MAP3K6: variants seen among roughly 807,000 people sequenced by gnomAD.
MAP3K6 encodes the protein mitogen-activated protein kinase kinase kinase 6.
A neutral mutation model predicts 147.1 loss-of-function variants in MAP3K6; 105 were observed. The ratio of observed to expected loss-of-function variants is 0.71; its 90% CI spans 0.61 to 0.84. The LOEUF is 0.84. MAP3K6 is among the 40% of genes least tolerant of loss of function. The pLI is 0.00. For synonymous variants in MAP3K6, 695 were observed against 732.4 expected (o/e 0.95, Z 0.82); for missense variants, 1,569 against 1,715.0 (o/e 0.91, Z 1.50).
At position 27,358,659 on chromosome 1, in the gene MAP3K6, C is replaced by G; in HGVS notation, c.2584-48G>C. The G allele has an allele frequency of 6.2e-7, 1 of 1,613,554 alleles. No homozygotes were observed. The highest frequency in any genetic ancestry group is 8.5e-7 in the Non-Finnish European group (1 of 1,179,906). ...GGTGACATTCAGAGGTGTCCAAGGC[C>G]CAGGCTGGCCCTATGCCACTTCCAT... On this transcript the variant is annotated intron_variant, in intron 19 of 28. Transcript: ENST00000357582. The surrounding 1 kb of genome is among the most constrained non-coding windows in gnomAD (Gnocchi z 6.2).
intron 26 of MAP3K6, 86 bp from the exon 27 acceptor site, chr1:27,356,185 G>T (rs893663995): frequency 7.5e-7 from 1 of 1,332,480 alleles, no homozygotes; most frequent in Non-Finnish European, 1.1e-6. Flanking sequence ...CTCCAGCCAA[G>T]GCCCACTCAG....
intron 9 of MAP3K6, 25 bp downstream of exon 9, chr1:27,362,066 C>G (rs950238113): frequency 1.3e-6 from 2 of 1,595,774 alleles, no homozygotes; most frequent in African/African-American, 2.7e-5. Flanking sequence ...CAGGTCAGGC[C>G]AAGAATGCAG....
In MAP3K6 at chr1:27,357,412, G is replaced by C. The variant is rs756513690; in HGVS notation, c.3246C>G (p.Ala1082=). The C allele has an allele frequency of 6.9e-6, 11 of 1,591,722 alleles. No individual in the cohort carries two copies. In the South Asian group the frequency reaches 1.2e-4, roughly 18 times the overall value. ...AAGGCGCCCTCACCGCATCCGGGAA[G>C]GCAAACAGCGGTCTGTGCAGAAGCG... The part of the protein sequence containing the change: ...GPALLHRPLF[A]FPDAVKQILR... The change falls in exon 23 of 29, where the codon GCC becomes GCG. Residue 1082 remains alanine (A), a synonymous_variant. Transcript: ENST00000357582.
At position 27,364,205 on chromosome 1, in the gene MAP3K6, AAG is replaced by A; in HGVS notation, c.692_693del (p.Ser231LeufsTer64). Reference sequence around the variant, plus strand: ...ACCCTCCCTGGGGGCCTTCATTACCAAGAGTCTGTGGGTGTGGCCTCCAGCAG... The same window carrying A: ...ACCCTCCCTGGGGGCCTTCATTACCAAGTCTGTGGGTGTGGCCTCCAGCAG... ...ARLLEATPTD[S>X]CGYFRETIRR... is the part of the protein sequence containing the mutation. On this transcript the variant is annotated frameshift_variant and splice_region_variant, in exon 4 of 29. Transcript: ENST00000357582. LOFTEE classifies it high-confidence loss of function. The surrounding 1 kb of genome is among the most constrained non-coding windows in gnomAD (Gnocchi z 4.4). The A allele has an allele frequency of 6.2e-7, 1 of 1,611,116 alleles. No homozygotes were observed. Among genetic ancestry groups the A allele is most frequent in the Non-Finnish European group, 8.5e-7 (1 of 1,179,448 alleles).
chr1:27,358,271 G>A lies in MAP3K6; in HGVS notation c.2825C>T (p.Ser942Phe), dbSNP rs1284829008. 6.2e-7 allele frequency: 1 copy of A among 1,606,688 alleles called. No homozygotes were observed. The highest frequency in any genetic ancestry group is 1.3e-5 in the African/African-American group (1 of 74,338). ...PTPSANSTTQSQTFPCPQAPS... is the reference protein window; with the variant it reads ...PTPSANSTTQFQTFPCPQAPS... ...TGCCTGAGGGCACGGGAATGTCTGA[G>A]ACTGGGTGGTTGAGTTGGCTGAAGG... The change falls in exon 21 of 29, where the codon TCT becomes TTT. Residue 942 changes from serine to phenylalanine, a missense_variant. Ser to Phe is a radical substitution (Grantham distance 155). Coordinates refer to ENST00000357582, the MANE Select transcript of MAP3K6 (RefSeq NM_004672.5). This position sits in a 1 kb window ranked among gnomAD's most constrained non-coding sequence, Gnocchi z 6.2.
chr1:27,362,394 C>G, intron 8 of MAP3K6, 144 bp from the exon 9 acceptor site: 1 of 862,274 alleles, frequency 1.2e-6, no homozygotes, highest in African/African-American at 1.7e-5. Flanking sequence ...AACAGGAGCT[C>G]AGGCACAGGT....
At position 27,357,724 on chromosome 1, in the gene MAP3K6, T is replaced by C. The variant is rs2015584360; in HGVS notation, c.3068A>G (p.Gln1023Arg). The C allele has an allele frequency of 6.2e-7, 1 of 1,611,346 alleles. No homozygotes were observed. Among genetic ancestry groups the C allele is most frequent in the Non-Finnish European group, 8.5e-7 (1 of 1,179,886 alleles). Residue 1023 changes from glutamine (Q) to arginine (R), a missense_variant, in exon 22 of 29, where the codon CAG (glutamine) becomes CGG (arginine). Transcript: ENST00000357582. ...TGGGCCGCCCACCTGCTCTTGCTTC[T>C]GCTCCTGGTGCAGATTCTCCGCCAG... is the stretch of plus-strand genomic sequence containing the variant. Reference protein sequence around the residue: ...PALAENLHQEQKQEQGARLGR... With the variant: ...PALAENLHQERKQEQGARLGR...
chr1:27,358,656 G>C lies in MAP3K6; in HGVS notation c.2584-45C>G. 1 of 1,613,532 alleles carries C rather than the reference G, an allele frequency of 6.2e-7. No individual in the cohort carries two copies. On this transcript the variant is annotated intron_variant, in intron 19 of 28. Coordinates refer to ENST00000357582, the MANE Select transcript of MAP3K6 (RefSeq NM_004672.5). This position sits in a 1 kb window ranked among gnomAD's most constrained non-coding sequence, Gnocchi z 6.2. Reference sequence around the variant, plus strand: ...AAGGGTGACATTCAGAGGTGTCCAAGGCCCAGGCTGGCCCTATGCCACTTC... The same window carrying C: ...AAGGGTGACATTCAGAGGTGTCCAACGCCCAGGCTGGCCCTATGCCACTTC...
Position 27,360,168 on chromosome 1 carries a change from C to T in MAP3K6, c.2182+73G>A. On this transcript the variant is annotated intron_variant, in intron 16 of 28. Transcript: ENST00000357582. The surrounding 1 kb of genome is among the most constrained non-coding windows in gnomAD (Gnocchi z 4.5). Reference sequence around the variant, plus strand: ...CACTAGGGTGCATTTCCCCCTAGGGCTCTCTACCCCTGCCTGCCTCGGTCC... The same window carrying T: ...CACTAGGGTGCATTTCCCCCTAGGGTTCTCTACCCCTGCCTGCCTCGGTCC... The T allele has an allele frequency of 1.9e-6, 3 of 1,595,956 alleles. No individual in the cohort carries two copies. The highest frequency in any genetic ancestry group is 2.6e-6 in the Non-Finnish European group (3 of 1,169,226).
At position 27,359,389 on chromosome 1, in the gene MAP3K6, C is replaced by T; in HGVS notation, c.2425+28G>A. 6.2e-7 allele frequency: 1 copy of T among 1,613,962 alleles called. No individual in the cohort carries two copies. Among genetic ancestry groups the T allele is most frequent in the Non-Finnish European group, 8.5e-7 (1 of 1,179,922 alleles). On this transcript the variant is annotated intron_variant, in intron 18 of 28. Coordinates refer to ENST00000357582, the MANE Select transcript of MAP3K6 (RefSeq NM_004672.5). The surrounding 1 kb of genome is among the most constrained non-coding windows in gnomAD (Gnocchi z 4.4). ...AGATCTTCTGCCCCAGGTCAGCATC[C>T]CCACTCACCACCCCCACACCTTGTT...
Position 27,355,285 on chromosome 1 carries a change from C to A in MAP3K6, c.*106G>T. On this transcript the variant is annotated 3_prime_UTR_variant, in exon 29 of 29. Coordinates refer to ENST00000357582, the MANE Select transcript of MAP3K6 (RefSeq NM_004672.5). ...GTCCTGGGCCCCACTCGCCTGGCTT[C>A]CTCCAGTCGCCCCAGGTCCTGGGGC... is the stretch of plus-strand genomic sequence containing the variant. 9.3e-7 allele frequency: 1 copy of A among 1,079,286 alleles called. No homozygotes were observed. The allele number at this position is 1,079,286 out of a possible 1,614,324, so 66.9% of individuals were successfully genotyped here.
At position 27,358,939 on chromosome 1, in the gene MAP3K6, T is replaced by G; in HGVS notation, c.2426-73A>C. On this transcript the variant is annotated intron_variant, in intron 18 of 28. Coordinates refer to ENST00000357582, the MANE Select transcript of MAP3K6 (RefSeq NM_004672.5). This position sits in a 1 kb window ranked among gnomAD's most constrained non-coding sequence, Gnocchi z 6.2. ...GGTTGGAGCAGGGAGGGGAATGCCG[T>G]CATCCTCAGGCCGACTGCACCCATA... 6.8e-7 allele frequency: 1 copy of G among 1,463,250 alleles called. No individual in the cohort carries two copies. The highest frequency in any genetic ancestry group is 9.2e-7 in the Non-Finnish European group (1 of 1,085,932). The allele number at this position is 1,463,250 out of a possible 1,614,324, so 90.6% of individuals were successfully genotyped here.
rs773042854 is a variant in MAP3K6 at position 27,364,890 on chromosome 1, G to C, written c.363C>G (p.Ser121Arg). 1.9e-6 allele frequency: 3 copies of C among 1,599,760 alleles called. No individual in the cohort carries two copies. The highest frequency in any genetic ancestry group is 2.6e-6 in the Non-Finnish European group (3 of 1,170,008). ...ACAGGGAGGGCTGTACCAGCGAGCT[G>C]CTCACCTCCAGCACCACCACATCTG... ...YNADVVVLEV[S>R]SSLVQPSLFY... is the part of the protein sequence containing the mutation. Residue 121 changes from serine to arginine, a missense_variant, in exon 2 of 29, where the codon AGC (serine) becomes AGG (arginine). Physicochemically the swap from Ser to Arg is moderately radical, Grantham distance 110. Transcript: ENST00000357582. The surrounding 1 kb of genome is among the most constrained non-coding windows in gnomAD (Gnocchi z 4.4).
chr1:27,361,886 C>A lies in MAP3K6; in HGVS notation c.1416-19G>T. On this transcript the variant is annotated intron_variant, in intron 9 of 28. Transcript: ENST00000357582. ...CAGGTACCTGCATGCAAAGCCACATCCTCAGTTCAGCCCAGGCACCAACCA... is the reference window on the plus strand; with the variant it reads ...CAGGTACCTGCATGCAAAGCCACATACTCAGTTCAGCCCAGGCACCAACCA... The A allele has an allele frequency of 6.5e-7, 1 of 1,526,854 alleles. No homozygotes were observed. The highest frequency in any genetic ancestry group is 8.8e-7 in the Non-Finnish European group (1 of 1,133,628). 94.6% of individuals were successfully genotyped at this position (1,526,854 alleles called of 1,614,324 possible). A position where few individuals can be genotyped will look rare whatever the true frequency, so the allele number is the denominator to read the frequency against.
chr1:27,355,450 TGCG>T lies in MAP3K6; in HGVS notation c.3805_3807del (p.Arg1269del). ...CGCTGTGCCAAGATGGCCCTCCAGA[TGCG>T]GCATACCATCCCTCCCCTGGGGGTA... On this transcript the variant is annotated inframe_deletion, in exon 29 of 29. Coordinates refer to ENST00000357582, the MANE Select transcript of MAP3K6 (RefSeq NM_004672.5). The T allele has an allele frequency of 1.2e-6, 2 of 1,614,140 alleles. No individual in the cohort carries two copies. The highest frequency in any genetic ancestry group is 2.2e-5 in the South Asian group (2 of 91,078).
chr1:27,357,633 C>CG, intron 22 of MAP3K6, 57 bp from the exon 23 acceptor site: 1 of 1,587,372 alleles, frequency 6.3e-7, no homozygotes, highest in South Asian at 1.1e-5. Flanking sequence ...GACGCTGCCG[C>CG]GGAGGTAGGG....
At position 27,363,973 on chromosome 1, in the gene MAP3K6, C is replaced by T; in HGVS notation, c.808G>A (p.Glu270Lys). Residue 270 changes from glutamate to lysine, a missense_variant, in exon 5 of 29, where the codon GAG (glutamate) becomes AAG (lysine). Transcript: ENST00000357582. The part of the protein sequence containing the change: ...ARLQRRLDSV[E>K]LLSPDIIMNL... ...ATGATGATGTCGGGGCTCAGCAGCT[C>T]CACGCTGTCCAGTCTCCGCTGCAGG... 6.2e-7 allele frequency: 1 copy of T among 1,610,300 alleles called. No individual in the cohort carries two copies. Among genetic ancestry groups the T allele is most frequent in the East Asian group, 2.2e-5 (1 of 44,884 alleles).
In MAP3K6 at chr1:27,362,759, G is replaced by A. The variant is rs781113897; in HGVS notation, c.1143-6C>T. Reference sequence around the variant, plus strand: ...CGTCAAAAGCCTTGCGATACCTGGGGTGGGGGTAGGGGGCACAGGGCTGGA... The same window carrying A: ...CGTCAAAAGCCTTGCGATACCTGGGATGGGGGTAGGGGGCACAGGGCTGGA... On this transcript the variant is annotated splice_polypyrimidine_tract_variant and splice_region_variant and intron_variant, in intron 7 of 28. Coordinates refer to ENST00000357582, the MANE Select transcript of MAP3K6 (RefSeq NM_004672.5). The A allele has an allele frequency of 8.7e-6, 14 of 1,612,686 alleles. No individual in the cohort carries two copies. In the Admixed American group the frequency reaches 1.2e-4, roughly 13 times the overall value.
chr1:27,365,541 A>G (rs998811035), intron 1 of MAP3K6, among the ~76,000 whole-genome samples: 1 of 152,098 alleles, frequency 6.6e-6, no homozygotes, highest in African/African-American at 2.4e-5. Flanking sequence ...TAAGCAAGTA[A>G]GTATGGGGGC....
Sources: allele counts gnomAD v4.1 joint callset (sites outside exome capture counted in the v4.1 genomes callset), GRCh38; gene constraint gnomAD v4.1.1; non-coding constraint Gnocchi (gnomAD v3.1); transcripts MANE v1.5; gene names NCBI Gene and HGNC (gene_info 2026-07-23, HGNC 2026-07-21).